MAPK10: variants seen among roughly 807,000 people sequenced by gnomAD.
The protein encoded by MAPK10 is mitogen-activated protein kinase 10.
MAPK10 carries 25 observed loss-of-function variants against 59.3 expected under a neutral mutation model. That is an observed-to-expected ratio of 0.42 (90% CI 0.31 to 0.59). The LOEUF is 0.59. Ranked by LOEUF, MAPK10 falls within the 20% of genes least tolerant of loss-of-function variation. The pLI is 0.15. For synonymous variants in MAPK10, 190 were observed against 200.5 expected, an observed-to-expected ratio of 0.95 and a Z score of 0.44; for missense variants, 351 against 568.9, an observed-to-expected ratio of 0.62 and a Z score of 3.90.
chr4:86,053,786 C>T (rs755205549), intron 11 of MAPK10, among the ~76,000 whole-genome samples: 3 of 152,132 alleles, frequency 2.0e-5, no homozygotes, highest in African/African-American at 7.2e-5. Flanking sequence ...TACACTCTCA[C>T]AAATGCCCAC....
intron 1 of MAPK10, among the ~76,000 whole-genome samples, chr4:86,445,377 C>T (rs924786471): frequency 2.0e-5 from 3 of 152,054 alleles, no homozygotes; most frequent in African/African-American, 7.2e-5. Context: ...AATGAGAACA[C>T]ATGGACACAG....
intron 1 of MAPK10, among the ~76,000 whole-genome samples, chr4:86,586,410 T>G (rs1181555037): frequency 6.6e-6 from 1 of 152,198 alleles, no homozygotes; most frequent in Non-Finnish European, 1.5e-5. Flanking sequence ...TCTCTCTGTC[T>G]TTCACTCATC....
chr4:86,177,646 G>A (rs552892130), intron 3 of MAPK10, among the ~76,000 whole-genome samples: 1 of 151,998 alleles, frequency 6.6e-6, no homozygotes, highest in African/African-American at 2.4e-5. Flanking sequence ...CATTTAAAAT[G>A]AAATCGCTCC....
At chr4:86,058,253 C>T (rs1271734180) in intron 11 of MAPK10, among the ~76,000 whole-genome samples, 1 of 149,744 alleles carries the variant, frequency 6.7e-6, no homozygotes, top group African/African-American at 2.5e-5. Context: ...CTGGTTACTT[C>T]TCCTTTACTT....
chr4:86,561,655 A>T (rs1760691344), intron 1 of MAPK10, among the ~76,000 whole-genome samples: 1 of 152,368 alleles, frequency 6.6e-6, no homozygotes, highest in African/African-American at 2.4e-5. Flanking sequence ...ATTGAGTAAT[A>T]GTCTAATTGT....
intron 1 of MAPK10, among the ~76,000 whole-genome samples, chr4:86,498,247 G>T (rs1344026067): frequency 6.6e-6 from 1 of 152,210 alleles, no homozygotes; most frequent in Non-Finnish European, 1.5e-5. Context: ...GCAGAGCAAG[G>T]CCTGGCAGGC....
intron 1 of MAPK10, among the ~76,000 whole-genome samples, chr4:86,365,123 T>C (rs576996670): frequency 6.6e-6 from 1 of 152,284 alleles, no homozygotes; most frequent in East Asian, 1.9e-4. Flanking sequence ...TACCGTATTG[T>C]ATTTTGTATT....
At chr4:86,225,069 T>A (rs1307520696) in intron 2 of MAPK10, among the ~76,000 whole-genome samples, 1 of 152,190 alleles carries the variant, frequency 6.6e-6, no homozygotes, top group Non-Finnish European at 1.5e-5. Context: ...TTAATACTCA[T>A]GCAAGAATCC....
At chr4:86,586,300 C>T (rs1325133836) in intron 1 of MAPK10, among the ~76,000 whole-genome samples, 1 of 152,178 alleles carries the variant, frequency 6.6e-6, no homozygotes, top group African/African-American at 2.4e-5. Flanking sequence ...TTCAGTGCCA[C>T]ACCCCTTTAG....
At chr4:86,431,052 G>T (rs910291974) in intron 1 of MAPK10, among the ~76,000 whole-genome samples, 3 of 150,904 alleles carry the variant, frequency 2.0e-5, no homozygotes, top group Non-Finnish European at 4.4e-5. Flanking sequence ...TAGAAAAGAA[G>T]GAAAGGAGCA....
chr4:86,583,639 G>C (rs952799086), intron 1 of MAPK10, among the ~76,000 whole-genome samples: 1 of 152,168 alleles, frequency 6.6e-6, no homozygotes, highest in Non-Finnish European at 1.5e-5. Context: ...ATATTGTTGA[G>C]CTACTGCACT....
At chr4:86,071,036 C>T (rs2047827760) in intron 9 of MAPK10, among the ~76,000 whole-genome samples, 1 of 151,784 alleles carries the variant, frequency 6.6e-6, no homozygotes, top group African/African-American at 2.4e-5. Context: ...TATTTCTCCA[C>T]ATCCTCTCCA....
chr4:86,417,141 T>G (rs1327932973), intron 1 of MAPK10, among the ~76,000 whole-genome samples: 1 of 152,368 alleles, frequency 6.6e-6, no homozygotes, highest in East Asian at 1.9e-4. Flanking sequence ...ATTTTCTTTC[T>G]CTTTTATACA....
At chr4:86,361,421 G>A (rs1406430024), upstream of MAPK10, among the ~76,000 whole-genome samples, 1 of 152,082 alleles carries the variant, frequency 6.6e-6, no homozygotes, top group Non-Finnish European at 1.5e-5. Flanking sequence ...GCAAAAATAT[G>A]GATTGATAGC....
At chr4:86,454,944 C>T (rs561670199), upstream of MAPK10, among the ~76,000 whole-genome samples, 13 of 152,198 alleles carry the variant, frequency 8.5e-5, no homozygotes, top group South Asian at 2.7e-3. Context: ...CCACAGAAAC[C>T]CTACAGGCTA....
intron 1 of MAPK10, among the ~76,000 whole-genome samples, chr4:86,388,373 T>C (rs541769936): frequency 1.4e-4 from 21 of 152,340 alleles, no homozygotes; most frequent in Admixed American, 7.2e-4. Flanking sequence ...ACTTATTTCA[T>C]ATAACTCTAA....
chr4:86,185,697 T>G lies in MAPK10; in HGVS notation c.66+8639A>C, dbSNP rs569119158. On this transcript the variant is annotated intron_variant, in intron 3 of 13. Transcript: ENST00000641462. ...GGTGGTAGTGGAGAAATAGTGAGAATCAGTGAGATTCCAGTTATGTTTTAA... is the reference window on the plus strand; with the variant it reads ...GGTGGTAGTGGAGAAATAGTGAGAAGCAGTGAGATTCCAGTTATGTTTTAA... 2.0e-5 allele frequency among the ~76,000 whole-genome samples: 3 copies of G among 152,230 alleles called. No homozygotes were observed. The East Asian group carries it at 5.8e-4, about 29-fold the overall frequency.
chr4:86,232,375 A>T (rs906143834), intron 2 of MAPK10, among the ~76,000 whole-genome samples: 2 of 144,150 alleles, frequency 1.4e-5, no homozygotes, highest in Admixed American at 7.0e-5. Context: ...AATAGAATCA[A>T]TTTTTTTTTT....
chr4:86,509,317 A>C (rs1579434520), intron 1 of MAPK10, among the ~76,000 whole-genome samples: 1 of 152,274 alleles, frequency 6.6e-6, no homozygotes, highest in African/African-American at 2.4e-5. Flanking sequence ...GATATTCTAT[A>C]CGGACATAAA....
Sources: gnomAD v4.1 joint callset for allele counts (sites outside exome capture counted in the v4.1 genomes callset) on GRCh38, gnomAD v4.1.1 for gene constraint, MANE v1.5 for transcripts, NCBI Gene and HGNC (gene_info 2026-07-23, HGNC 2026-07-21) for gene names.